Variants in FKBP3 observed in about 807,000 individuals in gnomAD.
FKBP3 encodes the protein peptidyl-prolyl cis-trans isomerase FKBP3.
FKBP3 carries 21 observed loss-of-function variants against 30.6 expected under a neutral mutation model. The ratio of observed to expected loss-of-function variants is 0.69; its 90% confidence interval spans 0.49 to 0.99. The LOEUF (loss-of-function observed/expected upper bound fraction) is 0.99. Among genes scored for constraint, FKBP3 ranks in the 50% least tolerant of loss-of-function variants. FKBP3 has a pLI of 0.00. For missense variants in FKBP3, 283 were observed against 261.6 expected (o/e 1.08, Z -0.56); for synonymous variants, 82 against 91.3 (o/e 0.90, Z 0.58).
chr14:45,119,094 A>AT (rs1884923153), intron 5 of FKBP3, among the ~76,000 whole-genome samples: 1 of 152,202 alleles, frequency 6.6e-6, no homozygotes, highest in Non-Finnish European at 1.5e-5. Flanking sequence ...AGAAACAATA[A>AT]AAGTCTTCTG....
chr14:45,127,089 C>T (rs985061762), intron 3 of FKBP3, among the ~76,000 whole-genome samples: 1 of 143,202 alleles, frequency 7.0e-6, no homozygotes, highest in African/African-American at 2.7e-5. Context: ...TTACAGGCAC[C>T]AGCCACTGTA....
intron 6 of FKBP3, among the ~76,000 whole-genome samples, chr14:45,117,738 A>ATTAATGTTTTT (rs1369162467): frequency 2.6e-5 from 4 of 152,212 alleles, no homozygotes; most frequent in Admixed American, 2.0e-4. Flanking sequence ...TTAAACTCTT[A>ATTAATGTTTTT]AAAACATTAA....
At chr14:45,117,905 AAG>A (rs1189295281) in intron 6 of FKBP3, 121 bp downstream of exon 6, 6 of 694,232 alleles carry the variant, frequency 8.6e-6, no homozygotes, top group Non-Finnish European at 1.5e-5. Flanking sequence ...AAAGATCAGG[AAG>A]ACTAGTCTGG....
chr14:45,123,740 A>G (rs1294155853), intron 3 of FKBP3, among the ~76,000 whole-genome samples: 1 of 147,860 alleles, frequency 6.8e-6, no homozygotes, highest in Non-Finnish European at 1.5e-5. Flanking sequence ...TCAGCCTCCC[A>G]AAGTAGCTGG....
intron 1 of FKBP3, chr14:45,133,339 C>T (rs1374460540): frequency 9.9e-6 from 3 of 304,066 alleles, no homozygotes; most frequent in Admixed American, 7.9e-5. Flanking sequence ...TGGTGGCACG[C>T]GCCTGTAGTC....
At position 45,134,330 on chromosome 14, in the gene FKBP3, G is replaced by T; in HGVS notation, c.108+19C>A. 1.3e-6 allele frequency: 2 copies of T among 1,587,282 alleles called. No homozygotes were observed. The highest frequency in any genetic ancestry group is 1.7e-6 in the Non-Finnish European group (2 of 1,156,878). On this transcript the variant is annotated intron_variant, in intron 1 of 6. Coordinates refer to ENST00000396062, the MANE Select transcript of FKBP3 (RefSeq NM_002013.4). The stretch of plus-strand genomic sequence containing the variant: ...GTCCCTCAGCCGCACCAGCCCGGCC[G>T]CCCCTACGCCTCTGGTACCGAATCT...
intron 5 of FKBP3, among the ~76,000 whole-genome samples, chr14:45,120,280 T>C (rs1187606263): frequency 2.0e-5 from 3 of 152,236 alleles, no homozygotes; most frequent in Non-Finnish European, 4.4e-5. Flanking sequence ...TTTTGTACAG[T>C]ATAATGGTCA....
chr14:45,134,344 G>A lies in FKBP3; in HGVS notation c.108+5C>T. 1.2e-6 allele frequency: 2 copies of A among 1,611,038 alleles called. No individual in the cohort carries two copies. Among genetic ancestry groups the A allele is most frequent in the South Asian group, 1.1e-5 (1 of 90,984 alleles). ...CCAGCCCGGCCGCCCCTACGCCTCT[G>A]GTACCGAATCTGAACCGTGTTCCTG... On this transcript the variant is annotated splice_donor_5th_base_variant and intron_variant, in intron 1 of 6. Coordinates refer to ENST00000396062, the MANE Select transcript of FKBP3 (RefSeq NM_002013.4).
At chr14:45,122,745 C>T (rs532040975) in intron 3 of FKBP3, among the ~76,000 whole-genome samples, 10 of 151,984 alleles carry the variant, frequency 6.6e-5, no homozygotes, top group Admixed American at 2.0e-4. Flanking sequence ...CCTCGTGATC[C>T]GCCCGCCTCG....
chr14:45,123,571 T>TA, intron 3 of FKBP3, among the ~76,000 whole-genome samples: 1 of 148,452 alleles, frequency 6.7e-6, no homozygotes, highest in South Asian at 2.2e-4. Context: ...ATTTTTCACT[T>TA]CTCTAACTCT....
chr14:45,121,734 G>T, intron 3 of FKBP3, 114 bp from the exon 4 acceptor site: 1 of 1,216,812 alleles, frequency 8.2e-7, no homozygotes, highest in Non-Finnish European at 1.1e-6. Context: ...GATGGATTTG[G>T]TAATAAATAA....
In FKBP3 at chr14:45,129,841, T is replaced by C. The variant is rs1274974273; in HGVS notation, c.271A>G (p.Asn91Asp). 1 of 1,613,260 alleles carries C rather than the reference T, an allele frequency of 6.2e-7. No homozygotes were observed. Among genetic ancestry groups the C allele is most frequent in the Admixed American group, 1.7e-5 (1 of 60,004 alleles). Reference sequence around the variant, plus strand: ...TTGGTTTCTTTGGGTTTATCTTCATTAAGCTTCACATTTTTTACTTGCTCA... The same window carrying C: ...TTGGTTTCTTTGGGTTTATCTTCATCAAGCTTCACATTTTTTACTTGCTCA... Reference protein sequence around the residue: ...VSEQVKNVKLNEDKPKETKSE... With the variant: ...VSEQVKNVKLDEDKPKETKSE... The change falls in exon 3 of 7, where the codon AAT (asparagine) becomes GAT (aspartate). Residue 91 changes from asparagine to aspartate, a missense_variant. By Grantham distance (23) the Asn-to-Asp change is conservative (BLOSUM62 1). Transcript: ENST00000396062.
At chr14:45,132,851 T>A (rs543241478) in intron 1 of FKBP3, among the ~76,000 whole-genome samples, 1 of 152,316 alleles carries the variant, frequency 6.6e-6, no homozygotes, top group African/African-American at 2.4e-5. Context: ...ATTTGTTTCA[T>A]AAGAATATGA....
intron 1 of FKBP3, 141 bp from the exon 2 acceptor site, chr14:45,130,941 C>CCTG: frequency 2.0e-6 from 1 of 494,284 alleles, no homozygotes; most frequent in Non-Finnish European, 3.6e-6. Context: ...ATAGTTTATA[C>CCTG]TCTTTGTTAC....
At chr14:45,131,977 C>T (rs754934070) in intron 1 of FKBP3, among the ~76,000 whole-genome samples, 12 of 152,166 alleles carry the variant, frequency 7.9e-5, no homozygotes, top group Non-Finnish European at 1.3e-4. Context: ...ATCTGAAAAT[C>T]ACGTAATTGT....
At chr14:45,127,642 C>T (rs917679238) in intron 3 of FKBP3, among the ~76,000 whole-genome samples, 1 of 152,128 alleles carries the variant, frequency 6.6e-6, no homozygotes, top group African/African-American at 2.4e-5. Flanking sequence ...AGCTAAAGCA[C>T]TCTGTAGCCA....
chr14:45,130,809 A>G lies in FKBP3; in HGVS notation c.109-9T>C, dbSNP rs754318468. 4.6e-6 allele frequency: 7 copies of G among 1,537,252 alleles called. No individual in the cohort carries two copies. The highest frequency in any genetic ancestry group is 2.3e-5 in the South Asian group (2 of 85,320). On this transcript the variant is annotated splice_polypyrimidine_tract_variant and intron_variant, in intron 1 of 6. Coordinates refer to ENST00000396062, the MANE Select transcript of FKBP3 (RefSeq NM_002013.4). ...TTATGTTCTGCAAGAAACTATAAGG[A>G]AAAAAGCTGGGTAATCAAGATAACT... is the stretch of plus-strand genomic sequence containing the variant.
chr14:45,115,963 A>C lies in FKBP3; in HGVS notation c.*235T>G. 1 of 452,304 alleles carries C rather than the reference A, an allele frequency of 2.2e-6. No homozygotes were observed. The highest frequency in any genetic ancestry group is 3.7e-5 in the South Asian group (1 of 27,050). 28.0% of individuals were successfully genotyped at this position (452,304 alleles called of 1,614,324 possible). On this transcript the variant is annotated 3_prime_UTR_variant, in exon 7 of 7. Coordinates refer to ENST00000396062, the MANE Select transcript of FKBP3 (RefSeq NM_002013.4). ...GTTTACAACATGAGGTAAAAGGAAAAAGTTCTCCTTGACCAGTATTTTACA... is the reference window on the plus strand; with the variant it reads ...GTTTACAACATGAGGTAAAAGGAAACAGTTCTCCTTGACCAGTATTTTACA...
chr14:45,124,178 C>G (rs1171144029), intron 3 of FKBP3, among the ~76,000 whole-genome samples: 1 of 152,152 alleles, frequency 6.6e-6, no homozygotes, highest in Non-Finnish European at 1.5e-5. Flanking sequence ...ATTCTATCAG[C>G]CTTTGAACTC....
Sources: gnomAD v4.1 joint callset for allele counts (sites outside exome capture counted in the v4.1 genomes callset) on GRCh38, gnomAD v4.1.1 for gene constraint, MANE v1.5 for transcripts, NCBI Gene and HGNC (gene_info 2026-07-23, HGNC 2026-07-21) for gene names.